The following PRKN variants were observed in gnomAD, a reference collection of about 807,000 sequenced individuals.
PRKN encodes the protein E3 ubiquitin-protein ligase parkin.
PRKN carries 56 observed loss-of-function variants against 59.5 expected under a neutral mutation model. The ratio of observed to expected loss-of-function variants is 0.94; its 90% CI spans 0.76 to 1.18. The LOEUF (loss-of-function observed/expected upper bound fraction) is 1.18, where lower values mean the gene tolerates loss of function less well. Ranked by LOEUF, PRKN falls within the 50% of genes most tolerant of loss-of-function variation. The probability of loss-of-function intolerance (pLI) is 0.00; values close to 1 mark genes in which losing one functional copy is unlikely to be tolerated. For synonymous variants in PRKN, 250 were observed against 222.1 expected, an observed-to-expected ratio of 1.13 and a Z score of -1.12; for missense variants, 657 against 596.4, an observed-to-expected ratio of 1.10 and a Z score of -1.06.
intron 1 of PRKN, among the ~76,000 whole-genome samples, chr6:162,614,192 C>G (rs991716746): frequency 2.0e-5 from 3 of 152,028 alleles, no homozygotes; most frequent in Non-Finnish European, 2.9e-5. Context: ...TAAGAGATAT[C>G]TGAACTTTTT....
At chr6:162,362,825 T>C (rs955512123) in intron 2 of PRKN, among the ~76,000 whole-genome samples, 2 of 152,134 alleles carry the variant, frequency 1.3e-5, no homozygotes, top group East Asian at 3.9e-4. Context: ...AAAAACACTA[T>C]TCTATAAAAA....
chr6:162,530,244 G>T (rs1583737227), intron 1 of PRKN, among the ~76,000 whole-genome samples: 1 of 152,148 alleles, frequency 6.6e-6, no homozygotes, highest in Non-Finnish European at 1.5e-5. Flanking sequence ...AAGTGGGATG[G>T]GGCGGAGAAT....
chr6:161,610,160 C>T (rs528930084), intron 7 of PRKN, among the ~76,000 whole-genome samples: 1 of 152,228 alleles, frequency 6.6e-6, no homozygotes, highest in African/African-American at 2.4e-5. Flanking sequence ...CCCAAAAGCA[C>T]TAAGGAATCA....
rs941986448 is a variant in PRKN, at chr6:161,581,944, C to T, written c.872-12528G>A. 2.0e-5 allele frequency among the ~76,000 whole-genome samples: 3 copies of T among 152,164 alleles called. No individual in the cohort carries two copies. The highest frequency in any genetic ancestry group is 2.1e-4 in the South Asian group (1 of 4,824). ...TCTTCACAGTGCTTAGGGCGTCCTT[C>T]GCTCATACTTCTTTGAACATATCCA... On this transcript the variant is annotated intron_variant, in intron 7 of 11. Coordinates refer to ENST00000366898, the MANE Select transcript of PRKN (RefSeq NM_004562.3). The surrounding 1 kb of genome is among the most constrained non-coding windows in gnomAD (Gnocchi z 4.5).
At chr6:162,461,894 AG>A (rs779081973) in intron 1 of PRKN, among the ~76,000 whole-genome samples, 11 of 152,136 alleles carry the variant, frequency 7.2e-5, no homozygotes, top group Non-Finnish European at 1.5e-4. Flanking sequence ...TTCAGAGATA[AG>A]GGAAAATATA....
At position 161,445,611 on chromosome 6, in the gene PRKN, T is replaced by C. The variant is rs1789446770; in HGVS notation, c.1084-58734A>G. On this transcript the variant is annotated intron_variant, in intron 9 of 11. Coordinates refer to ENST00000366898, the MANE Select transcript of PRKN (RefSeq NM_004562.3). This position sits in a 1 kb window ranked among gnomAD's most constrained non-coding sequence, Gnocchi z 7.7. The stretch of plus-strand genomic sequence containing the variant: ...CAGGAGAAAGAGGCCACCTGTATCA[T>C]CCACCCGTGCTGCAGCTGAATGGGA... Among the ~76,000 whole-genome samples the C allele has an allele frequency of 1.3e-5, 2 of 152,140 alleles. No individual in the cohort carries two copies. Among genetic ancestry groups the C allele is most frequent in the African/African-American group, 4.8e-5 (2 of 41,428 alleles).
At chr6:162,254,276 G>A (rs1193029572) in intron 3 of PRKN, among the ~76,000 whole-genome samples, 1 of 151,978 alleles carries the variant, frequency 6.6e-6, no homozygotes, top group Non-Finnish European at 1.5e-5. Flanking sequence ...GGCTAACATG[G>A]TAAAACCCTG....
intron 1 of PRKN, among the ~76,000 whole-genome samples, chr6:162,658,921 C>A (rs1001119683): frequency 6.6e-6 from 1 of 151,942 alleles, no homozygotes; most frequent in Non-Finnish European, 1.5e-5. Context: ...TAAAACAAGT[C>A]CACGTCTTAC....
At chr6:162,029,187 C>T (rs1429729932) in intron 5 of PRKN, among the ~76,000 whole-genome samples, 1 of 152,124 alleles carries the variant, frequency 6.6e-6, no homozygotes, top group Non-Finnish European at 1.5e-5. Flanking sequence ...ACCCACCCAC[C>T]TCCACCCCCA....
chr6:161,850,168 G>C (rs1793368104), intron 6 of PRKN, among the ~76,000 whole-genome samples: 1 of 152,104 alleles, frequency 6.6e-6, no homozygotes, highest in Non-Finnish European at 1.5e-5. Context: ...GCCATGAGTA[G>C]ATGGCTATTA....
chr6:162,708,784 C>A lies in PRKN; in HGVS notation c.7+18878G>T, dbSNP rs1778423589. Among the ~76,000 whole-genome samples, 3 of 152,328 alleles carry A rather than the reference C, an allele frequency of 2.0e-5. No individual in the cohort carries two copies. In the South Asian group the frequency reaches 6.2e-4, roughly 32 times the overall value. ...TAAAGAGCCTTGTTGGGAGAGCAGT[C>A]TTCCCTGGGCCTACATATCTTACTG... On this transcript the variant is annotated intron_variant, in intron 1 of 11. Transcript: ENST00000366898.
At chr6:162,249,004 G>A (rs1329789040) in intron 3 of PRKN, among the ~76,000 whole-genome samples, 4 of 151,596 alleles carry the variant, frequency 2.6e-5, no homozygotes, top group East Asian at 2.0e-4. Context: ...TCAGCCTCCC[G>A]AGTACCTGGG....
intron 7 of PRKN, among the ~76,000 whole-genome samples, chr6:161,767,723 G>GTTCTAATAATATTACT (rs1789490257): frequency 6.7e-6 from 1 of 148,492 alleles, no homozygotes; most frequent in Non-Finnish European, 1.5e-5. Context: ...TTACCTTAAA[G>GTTCTAATAATATTACT]GTTACTGTTC....
At chr6:162,329,448 G>A (rs1165931719) in intron 2 of PRKN, among the ~76,000 whole-genome samples, 10 of 152,076 alleles carry the variant, frequency 6.6e-5, no homozygotes, top group Non-Finnish European at 1.5e-4. Context: ...TTTAACAACC[G>A]TTGCAGCAGT....
At chr6:162,599,082 T>A (rs1165435207) in intron 1 of PRKN, among the ~76,000 whole-genome samples, 1 of 152,138 alleles carries the variant, frequency 6.6e-6, no homozygotes, top group African/African-American at 2.4e-5. Context: ...TAAAAATCTT[T>A]TCCAGTTTCC....
chr6:162,520,918 A>C (rs1399492723), intron 1 of PRKN, among the ~76,000 whole-genome samples: 1 of 152,188 alleles, frequency 6.6e-6, no homozygotes, highest in African/African-American at 2.4e-5. Context: ...AAACATCCTT[A>C]ATCTAAATTG....
In PRKN at chr6:161,417,020, G is replaced by T. The variant is rs777750039; in HGVS notation, c.1084-30143C>A. 6.6e-6 allele frequency among the ~76,000 whole-genome samples: 1 copy of T among 152,174 alleles called. No individual in the cohort carries two copies. Among genetic ancestry groups the T allele is most frequent in the Non-Finnish European group, 1.5e-5 (1 of 68,036 alleles). On this transcript the variant is annotated intron_variant, in intron 9 of 11. Transcript: ENST00000366898. This position sits in a 1 kb window ranked among gnomAD's most constrained non-coding sequence, Gnocchi z 5.4. ...AAGAACTCTGGAGGGAGATGGGGCC[G>T]AGGAAGGAGTAGGAGGTGTGGCTAT...
rs1779057960 is a variant in PRKN, at chr6:161,527,520, C to T, written c.1083+21334G>A. On this transcript the variant is annotated intron_variant, in intron 9 of 11. Coordinates refer to ENST00000366898, the MANE Select transcript of PRKN (RefSeq NM_004562.3). This position sits in a 1 kb window ranked among gnomAD's most constrained non-coding sequence, Gnocchi z 4.6. ...TGCCTTCTAATTCACAGCAAGATGC[C>T]TTCTGCTACCAAGTGCTGTGGCCTC... Among the ~76,000 whole-genome samples, 1 of 152,180 alleles carries T rather than the reference C, an allele frequency of 6.6e-6. No individual in the cohort carries two copies.
At chr6:162,259,401 G>A (rs981669626) in intron 3 of PRKN, among the ~76,000 whole-genome samples, 2 of 152,154 alleles carry the variant, frequency 1.3e-5, no homozygotes, top group African/African-American at 4.8e-5. Flanking sequence ...TCTACCCCCA[G>A]ACAAATACAT....
Sources: gnomAD v4.1 joint callset for allele counts (sites outside exome capture counted in the v4.1 genomes callset) on GRCh38, gnomAD v4.1.1 for gene constraint, Gnocchi (gnomAD v3.1) non-coding constraint, MANE v1.5 for transcripts, NCBI Gene and HGNC (gene_info 2026-07-23, HGNC 2026-07-21) for gene names.